ATP2B2: variants seen among roughly 807,000 people sequenced by gnomAD.
The protein encoded by ATP2B2 is ATPase plasma membrane Ca2+ transporting 2, also known as plasma membrane calcium-transporting ATPase 2.
A neutral mutation model predicts 120.0 loss-of-function variants in ATP2B2; 15 were observed. The ratio of observed to expected loss-of-function variants is 0.12; its 90% CI spans 0.08 to 0.19. The LOEUF (loss-of-function observed/expected upper bound fraction) is 0.19. ATP2B2 is among the 10% of genes least tolerant of loss of function. The probability of loss-of-function intolerance (pLI) is 1.00; values close to 1 mark genes in which losing one functional copy is unlikely to be tolerated. For missense variants in ATP2B2, 1,045 were observed against 1,719.8 expected (o/e 0.61, Z 6.94); for synonymous variants, 694 against 700.3 (o/e 0.99, Z 0.14).
At chr3:10,695,691 A>G (rs2071732743) in intron 1 of ATP2B2, among the ~76,000 whole-genome samples, 2 of 152,216 alleles carry the variant, frequency 1.3e-5, no homozygotes, top group Admixed American at 1.3e-4. Flanking sequence ...TACCTGACCT[A>G]CAGCAGACTA....
chr3:10,400,888 G>T, intron 5 of ATP2B2, 65 bp downstream of exon 5: 2 of 1,608,650 alleles, frequency 1.2e-6, no homozygotes, highest in East Asian at 2.2e-5. Flanking sequence ...GCCTCATGAA[G>T]GGGACACACA....
intron 8 of ATP2B2, among the ~76,000 whole-genome samples, chr3:10,384,150 T>C (rs535651834): frequency 6.6e-6 from 1 of 152,348 alleles, no homozygotes; most frequent in African/African-American, 2.4e-5. Context: ...TACTAGGTGC[T>C]TCCATCTTTG....
At chr3:10,655,484 T>C (rs1192248723) in intron 1 of ATP2B2, among the ~76,000 whole-genome samples, 1 of 103,240 alleles carries the variant, frequency 9.7e-6, no homozygotes, top group Non-Finnish European at 1.7e-5. Context: ...TGCAAGCCAC[T>C]GTACTCCAGT....
At chr3:10,386,426 A>G in intron 7 of ATP2B2, 54 bp downstream of exon 7, 1 of 1,595,674 alleles carries the variant, frequency 6.3e-7, no homozygotes, top group Non-Finnish European at 8.6e-7. Context: ...CCCAATGACC[A>G]AAGCCTGCTG....
Position 10,375,347 on chromosome 3 carries a change from C to T in ATP2B2, c.1416+83G>A. The T allele has an allele frequency of 7.8e-7, 1 of 1,280,396 alleles. No homozygotes were observed. Among genetic ancestry groups the T allele is most frequent in the Non-Finnish European group, 1.1e-6 (1 of 891,886 alleles). 79.3% of individuals were successfully genotyped at this position (1,280,396 alleles called of 1,614,324 possible). A position where few individuals can be genotyped will look rare whatever the true frequency, so the allele number is the denominator to read the frequency against. ...TGGGGCTTCTTCGTTCATCTCCCAA[C>T]CCCAGCACCAGCCCCAGTGATTCCC... is the stretch of plus-strand genomic sequence containing the variant. On this transcript the variant is annotated intron_variant, in intron 11 of 22. Transcript: ENST00000360273. The surrounding 1 kb of genome is among the most constrained non-coding windows in gnomAD (Gnocchi z 4.2).
intron 3 of ATP2B2, among the ~76,000 whole-genome samples, chr3:10,408,466 G>A (rs767912275): frequency 7.2e-5 from 11 of 152,124 alleles, no homozygotes; most frequent in Non-Finnish European, 1.3e-4. Context: ...GTGGGCTTCC[G>A]GAGAAGGAGT....
chr3:10,362,670 C>T (rs1035878072), intron 12 of ATP2B2, among the ~76,000 whole-genome samples: 2 of 152,172 alleles, frequency 1.3e-5, no homozygotes, highest in Non-Finnish European at 2.9e-5. Context: ...TCCCCGGCTC[C>T]CATGGCCATA....
At chr3:10,367,257 T>G (rs1012545687) in intron 12 of ATP2B2, among the ~76,000 whole-genome samples, 1 of 152,002 alleles carries the variant, frequency 6.6e-6, no homozygotes. Flanking sequence ...TTGTGCCCCC[T>G]GCCTGGAATA....
At chr3:10,466,167 G>A (rs985772769) in intron 1 of ATP2B2, among the ~76,000 whole-genome samples, 1 of 152,160 alleles carries the variant, frequency 6.6e-6, no homozygotes, top group African/African-American at 2.4e-5. Context: ...CAATGCTGGT[G>A]GTCACAAAGC....
intron 11 of ATP2B2, among the ~76,000 whole-genome samples, chr3:10,374,431 G>T (rs1400955560): frequency 6.6e-6 from 1 of 152,152 alleles, no homozygotes; most frequent in Non-Finnish European, 1.5e-5. Context: ...AAATTACATC[G>T]GAGAGCCCAG....
chr3:10,400,620 T>C (rs943311822), intron 5 of ATP2B2, among the ~76,000 whole-genome samples: 1 of 152,236 alleles, frequency 6.6e-6, no homozygotes, highest in Non-Finnish European at 1.5e-5. Flanking sequence ...GCTTATCACC[T>C]GACTGATTCT....
At chr3:10,648,174 C>A (rs1167818222) in intron 1 of ATP2B2, among the ~76,000 whole-genome samples, 1 of 152,218 alleles carries the variant, frequency 6.6e-6, no homozygotes, top group Non-Finnish European at 1.5e-5. Flanking sequence ...TAGGTCACCA[C>A]TGACTTCTGC....
chr3:10,659,551 T>C (rs1356715963), intron 1 of ATP2B2, among the ~76,000 whole-genome samples: 1 of 152,168 alleles, frequency 6.6e-6, no homozygotes, highest in Non-Finnish European at 1.5e-5. Context: ...CTAACTATCC[T>C]AAATATATAT....
chr3:10,480,250 T>C (rs936648465), intron 1 of ATP2B2, among the ~76,000 whole-genome samples: 4 of 152,216 alleles, frequency 2.6e-5, no homozygotes, highest in Non-Finnish European at 5.9e-5. Context: ...AGAATCAGTT[T>C]CCTCATCAGT....
At chr3:10,586,313 C>T (rs575755911) in intron 2 of ATP2B2, among the ~76,000 whole-genome samples, 4 of 152,258 alleles carry the variant, frequency 2.6e-5, no homozygotes, top group African/African-American at 9.6e-5. Flanking sequence ...AGGAAGGGGA[C>T]CCTGCCAGCA....
rs760245436 is a variant in ATP2B2 at position 10,372,062 on chromosome 3, G to A, written c.1417-11C>T. ...GTCCTTCATCATTTTCTGGGAGAAG[G>A]GGCAGGTGAGAGGGCAACAGTGAGG... On this transcript the variant is annotated splice_polypyrimidine_tract_variant and intron_variant, in intron 11 of 22. Coordinates refer to ENST00000360273, the MANE Select transcript of ATP2B2 (RefSeq NM_001001331.4). 53 of 1,613,992 alleles carry A rather than the reference G, an allele frequency of 3.3e-5. No individual in the cohort carries two copies. Among genetic ancestry groups the A allele is most frequent in the Non-Finnish European group, 4.4e-5 (52 of 1,179,974 alleles).
At chr3:10,404,489 G>A (rs751109191) in intron 3 of ATP2B2, among the ~76,000 whole-genome samples, 5 of 152,202 alleles carry the variant, frequency 3.3e-5, no homozygotes, top group Non-Finnish European at 7.3e-5. Context: ...CTCTCATAAG[G>A]TGGTTGAGAG....
At chr3:10,332,047 C>G (rs984294446) in intron 22 of ATP2B2, 1 of 1,550,006 alleles carries the variant, frequency 6.5e-7, no homozygotes, top group African/African-American at 1.4e-5. Flanking sequence ...TCTAGGGAAA[C>G]AAACACATGG....
chr3:10,605,964 T>A (rs567873517), intron 2 of ATP2B2, among the ~76,000 whole-genome samples: 29 of 152,088 alleles, frequency 1.9e-4, no homozygotes, highest in African/African-American at 2.4e-4. Context: ...CATTTTTTTT[T>A]AAAATCAGTT....
Sources: allele counts gnomAD v4.1 joint callset (sites outside exome capture counted in the v4.1 genomes callset), GRCh38; gene constraint gnomAD v4.1.1; non-coding constraint Gnocchi (gnomAD v3.1); transcripts MANE v1.5; gene names NCBI Gene and HGNC (gene_info 2026-07-23, HGNC 2026-07-21).